RPS6KA2: variants seen among roughly 807,000 people sequenced by gnomAD.
RPS6KA2 encodes the protein ribosomal protein S6 kinase A2.
Under a neutral mutation model 91.8 loss-of-function variants are expected in RPS6KA2, and 42 were observed. The observed-to-expected ratio is 0.46, with a 90% CI of 0.36 to 0.59. RPS6KA2 has a LOEUF of 0.59. RPS6KA2 is among the 20% of genes least tolerant of loss of function. The probability of loss-of-function intolerance (pLI) is 0.00; values close to 1 mark genes in which losing one functional copy is unlikely to be tolerated. For synonymous variants in RPS6KA2, 414 were observed against 393.6 expected (o/e 1.05, Z -0.61); for missense variants, 798 against 978.5 (o/e 0.82, Z 2.46).
intron 2 of RPS6KA2, among the ~76,000 whole-genome samples, chr6:166,774,456 GT>G (rs1778561638): frequency 6.6e-6 from 1 of 152,196 alleles, no homozygotes; most frequent in African/African-American, 2.4e-5. Flanking sequence ...CCCGGCGTTG[GT>G]TATTCTGGGT....
intron 5 of RPS6KA2, among the ~76,000 whole-genome samples, chr6:166,505,113 G>A (rs775116813): frequency 1.3e-5 from 2 of 152,168 alleles, no homozygotes; most frequent in East Asian, 1.9e-4. Flanking sequence ...GTAACCTGCT[G>A]TCAACCCAAA....
intron 3 of RPS6KA2, among the ~76,000 whole-genome samples, chr6:166,529,549 A>G (rs1020381679): frequency 6.6e-6 from 1 of 152,158 alleles, no homozygotes; most frequent in Admixed American, 6.5e-5. Context: ...GTGCACGTGT[A>G]CCCTAGCACT....
At chr6:166,623,012 G>T (rs931459744) in intron 1 of RPS6KA2, among the ~76,000 whole-genome samples, 1 of 152,176 alleles carries the variant, frequency 6.6e-6, no homozygotes, top group African/African-American at 2.4e-5. Context: ...TAAATAAAAC[G>T]AAATTCTCCT....
At chr6:166,584,714 G>A (rs953525810) in intron 1 of RPS6KA2, among the ~76,000 whole-genome samples, 2 of 152,128 alleles carry the variant, frequency 1.3e-5, no homozygotes, top group Non-Finnish European at 2.9e-5. Context: ...AATTTTTAAC[G>A]GAAACAAAGG....
chr6:166,713,721 A>T (rs1005351593), intron 2 of RPS6KA2, among the ~76,000 whole-genome samples: 1 of 152,226 alleles, frequency 6.6e-6, no homozygotes, highest in Non-Finnish European at 1.5e-5. Flanking sequence ...AGCAAGTAAA[A>T]AACACAAAAC....
chr6:166,645,082 G>T (rs905584734), intron 2 of RPS6KA2, among the ~76,000 whole-genome samples: 1 of 152,286 alleles, frequency 6.6e-6, no homozygotes, highest in East Asian at 1.9e-4. Flanking sequence ...GGGAGGACAA[G>T]TTCCTATTAT....
Position 166,409,622 on chromosome 6 carries a change from A to G in RPS6KA2, c.*3140T>C, listed in dbSNP as rs912650606. 17 of 152,528 alleles carry G rather than the reference A, an allele frequency of 1.1e-4. No homozygotes were observed. Among genetic ancestry groups the G allele is most frequent in the African/African-American group, 4.1e-4 (17 of 41,574 alleles). The allele number at this position is 152,528 out of a possible 1,614,324, so 9.4% of individuals were successfully genotyped here. A position where few individuals can be genotyped will look rare whatever the true frequency, so the allele number is the denominator to read the frequency against. ...TGCAGCCTCCGTCCTCAGCCCCTCA[A>G]GCTGCGCTGGAGTCCACCTTCCGCC... On this transcript the variant is annotated 3_prime_UTR_variant, in exon 21 of 21. Coordinates refer to ENST00000265678, the MANE Select transcript of RPS6KA2 (RefSeq NM_021135.6).
At chr6:166,833,263 A>G (rs140203688) in intron 2 of RPS6KA2, among the ~76,000 whole-genome samples, 3 of 152,386 alleles carry the variant, frequency 2.0e-5, no homozygotes, top group East Asian at 3.9e-4. Flanking sequence ...CATCAGGAAC[A>G]ACAAAGATGA....
chr6:166,736,041 C>A (rs1790662227), intron 2 of RPS6KA2, among the ~76,000 whole-genome samples: 1 of 152,136 alleles, frequency 6.6e-6, no homozygotes, highest in South Asian at 2.1e-4. Flanking sequence ...ACAGTCAGAC[C>A]CCTCGACCAA....
Position 166,412,848 on chromosome 6 carries a change from G to A in RPS6KA2, c.2116C>T (p.Pro706Ser), listed in dbSNP as rs1778359612. 6.4e-7 allele frequency: 1 copy of A among 1,569,152 alleles called. No homozygotes were observed. The highest frequency in any genetic ancestry group is 8.6e-7 in the Non-Finnish European group (1 of 1,156,912). ...AATYFALNRT[P>S]QAPRLEPVLS... Reference sequence around the variant, plus strand: ...ACGGGCTCCAGCCGCGGGGCCTGAGGTGTTCTGTTTAGAGCAAAGTAGGTG... The same window carrying A: ...ACGGGCTCCAGCCGCGGGGCCTGAGATGTTCTGTTTAGAGCAAAGTAGGTG... Residue 706 changes from proline to serine, a missense_variant, in exon 21 of 21, where the codon CCT becomes TCT. By Grantham distance (74) the Pro-to-Ser change is moderately conservative. Transcript: ENST00000265678. This position sits in a 1 kb window ranked among gnomAD's most constrained non-coding sequence, Gnocchi z 4.3.
intron 2 of RPS6KA2, among the ~76,000 whole-genome samples, chr6:166,777,599 GT>G (rs1273817116): frequency 1.3e-5 from 2 of 152,166 alleles, no homozygotes; most frequent in East Asian, 3.8e-4. Context: ...ATTGTTAAAA[GT>G]TATAAAATCA....
At chr6:166,718,201 T>C (rs1790073872) in intron 2 of RPS6KA2, among the ~76,000 whole-genome samples, 1 of 152,162 alleles carries the variant, frequency 6.6e-6, no homozygotes, top group Admixed American at 6.5e-5. Context: ...TTACCCTCAC[T>C]TCCCCTTAAG....
At chr6:166,608,458 C>T (rs1002316209) in intron 1 of RPS6KA2, among the ~76,000 whole-genome samples, 26 of 151,880 alleles carry the variant, frequency 1.7e-4, no homozygotes, top group African/African-American at 5.1e-4. Context: ...AACAATCCAT[C>T]GGCGCATGAA....
chr6:166,491,226 T>C, intron 8 of RPS6KA2, among the ~76,000 whole-genome samples: 1 of 152,124 alleles, frequency 6.6e-6, no homozygotes, highest in African/African-American at 2.4e-5. Flanking sequence ...CCACAGCCAT[T>C]AGCCTCTGAC....
intron 7 of RPS6KA2, 114 bp from the exon 8 acceptor site, chr6:166,498,764 C>G: frequency 7.5e-7 from 1 of 1,331,894 alleles, no homozygotes; most frequent in Non-Finnish European, 1.0e-6. Context: ...CAGGTGGGCG[C>G]AGCAGAGCCC....
chr6:166,510,204 C>A, intron 4 of RPS6KA2, 73 bp downstream of exon 4: 1 of 944,972 alleles, frequency 1.1e-6, no homozygotes. Flanking sequence ...TCTGTTATTT[C>A]TTTTTCAATT....
intron 1 of RPS6KA2, among the ~76,000 whole-genome samples, chr6:166,625,827 C>T (rs1413191215): frequency 1.3e-5 from 2 of 152,182 alleles, no homozygotes; most frequent in African/African-American, 2.4e-5. Flanking sequence ...CTATCTAGTA[C>T]TTCCAATTCT....
At chr6:166,855,100 T>G (rs1213104996) in intron 2 of RPS6KA2, among the ~76,000 whole-genome samples, 1 of 152,210 alleles carries the variant, frequency 6.6e-6, no homozygotes, top group African/African-American at 2.4e-5. Context: ...AAATGCCGCA[T>G]GTTCTCACTT....
Position 166,448,756 on chromosome 6 carries a change from G to A in RPS6KA2, c.1300C>T (p.His434Tyr). The change falls in exon 14 of 21, where the codon CAT becomes TAT. Residue 434 changes from histidine (H) to tyrosine (Y), a missense_variant. Coordinates refer to ENST00000265678, the MANE Select transcript of RPS6KA2 (RefSeq NM_021135.6). This position sits in a 1 kb window ranked among gnomAD's most constrained non-coding sequence, Gnocchi z 4.7. Reference sequence around the variant, plus strand: ...GCATACTCGGTGTCTGTGGCTTTATGCACACATCGCTTGCACACTGAGTAG... The same window carrying A: ...GCATACTCGGTGTCTGTGGCTTTATACACACATCGCTTGCACACTGAGTAG... ...GSYSVCKRCVHKATDTEYAVK... is the reference protein window; with the variant it reads ...GSYSVCKRCVYKATDTEYAVK... The A allele has an allele frequency of 6.2e-7, 1 of 1,613,528 alleles. No homozygotes were observed. Among genetic ancestry groups the A allele is most frequent in the South Asian group, 1.1e-5 (1 of 90,940 alleles).
Sources: gnomAD v4.1 joint callset for allele counts (sites outside exome capture counted in the v4.1 genomes callset) on GRCh38, gnomAD v4.1.1 for gene constraint, Gnocchi (gnomAD v3.1) non-coding constraint, MANE v1.5 for transcripts, NCBI Gene and HGNC (gene_info 2026-07-23, HGNC 2026-07-21) for gene names.